Variants in PMPCB observed in about 807,000 individuals in gnomAD.
The protein encoded by PMPCB is mitochondrial-processing peptidase subunit beta.
A neutral mutation model predicts 61.5 loss-of-function variants in PMPCB; 46 were observed. The observed-to-expected ratio is 0.75, with a 90% confidence interval of 0.59 to 0.96. The LOEUF is 0.96. Among genes scored for constraint, PMPCB ranks in the 40% least tolerant of loss-of-function variants. The pLI is 0.00. For missense variants in PMPCB, 590 were observed against 602.4 expected (o/e 0.98, Z 0.22); for synonymous variants, 191 against 201.6 (o/e 0.95, Z 0.44).
At chr7:103,344,444 G>T in the PMPCB span, 1 of 1,183,990 alleles carries the variant, frequency 8.4e-7, no homozygotes, top group Non-Finnish European at 1.2e-6. Flanking sequence ...GGCCCCATAC[G>T]GCCCCGGGGC....
Position 103,300,327 on chromosome 7 carries a change from A to C in PMPCB, c.457+20A>C. On this transcript the variant is annotated intron_variant, in intron 4 of 12. Coordinates refer to ENST00000249269, the MANE Select transcript of PMPCB (RefSeq NM_004279.3). ...CAAGAGGTACTGTTATTATTTATAC[A>C]GCAGATAATGTAATTTTCATGAGAA... 6.4e-7 allele frequency: 1 copy of C among 1,555,342 alleles called. No homozygotes were observed. Among genetic ancestry groups the C allele is most frequent in the Non-Finnish European group, 8.7e-7 (1 of 1,147,072 alleles).
At chr7:103,317,319 C>T (rs1342386263), downstream of PMPCB, 1 of 292,632 alleles carries the variant, frequency 3.4e-6, no homozygotes, top group Non-Finnish European at 6.3e-6. Context: ...TATTCATCCA[C>T]AAGGCCATTT....
At position 103,311,672 on chromosome 7, in the gene PMPCB, G is replaced by T; in HGVS notation, c.1184G>T (p.Ser395Ile). Residue 395 changes from serine (S) to isoleucine (I), a missense_variant, in exon 10 of 13, where the codon AGT becomes ATT. By Grantham distance (142) the Ser-to-Ile change is moderately radical. Transcript: ENST00000249269. ...CGACTCTGTACAAGTGTCACAGAAAGTGAGGTTGCACGAGCCAGAAATCTT... is the reference window on the plus strand; with the variant it reads ...CGACTCTGTACAAGTGTCACAGAAATTGAGGTTGCACGAGCCAGAAATCTT... ...WMRLCTSVTE[S>I]EVARARNLLK... The T allele has an allele frequency of 6.2e-7, 1 of 1,614,054 alleles. No individual in the cohort carries two copies. Among genetic ancestry groups the T allele is most frequent in the Non-Finnish European group, 8.5e-7 (1 of 1,179,946 alleles).
chr7:103,317,056 A>G (rs766383881), downstream of PMPCB: 6 of 1,533,268 alleles, frequency 3.9e-6, no homozygotes, highest in Middle Eastern at 3.4e-4. Context: ...AGTATACTGT[A>G]TTGCTATTCT....
At chr7:103,322,776 C>A in intron 12 of PMPCB, 1 of 1,605,956 alleles carries the variant, frequency 6.2e-7, no homozygotes, top group Non-Finnish European at 8.5e-7. Context: ...GCTTTTCAAT[C>A]CATCTCCTCT....
Position 103,312,773 on chromosome 7 carries a change from A to G in PMPCB, c.*502A>G, listed in dbSNP as rs990729473. ...AAATATACTGATTTCATTATCTGCC[A>G]GGGCCTAGAAAGTTTCTAAGGTTGC... On this transcript the variant is annotated 3_prime_UTR_variant, in exon 13 of 13. Coordinates refer to ENST00000249269, the MANE Select transcript of PMPCB (RefSeq NM_004279.3). 18 of 1,512,978 alleles carry G rather than the reference A, an allele frequency of 1.2e-5. No homozygotes were observed. The Admixed American group carries it at 4.0e-4, about 34-fold the overall frequency. 93.7% of individuals were successfully genotyped at this position (1,512,978 alleles called of 1,614,324 possible).
rs781179348 is a variant in PMPCB at position 103,307,649 on chromosome 7, T to C, written c.790T>C (p.Leu264=). 15 of 1,613,810 alleles carry C rather than the reference T, an allele frequency of 9.3e-6. No individual in the cohort carries two copies. The highest frequency in any genetic ancestry group is 1.7e-4 in the Middle Eastern group (1 of 6,060). ...DLAKFHFGDS[L]CTHKGEIPAL... is the part of the protein sequence containing the mutation. ...AGCAAAGTTTCATTTCGGTGACTCTTTATGCACACACAAAGGAGAAATACC... is the reference window on the plus strand; with the variant it reads ...AGCAAAGTTTCATTTCGGTGACTCTCTATGCACACACAAAGGAGAAATACC... The change falls in exon 7 of 13, where the codon TTA becomes CTA. Residue 264 remains leucine (L), a synonymous_variant. Transcript: ENST00000249269.
In PMPCB at chr7:103,304,476, TTGC is replaced by T; in HGVS notation, c.731_733del (p.Ala244del). On this transcript the variant is annotated inframe_deletion, in exon 6 of 13. Coordinates refer to ENST00000249269, the MANE Select transcript of PMPCB (RefSeq NM_004279.3). ...CATTATAAGGGGCCAAGAATAGTGC[TTGC>T]TGCTGCTGGAGGTTAGTCAATTTAA... 2 of 1,603,114 alleles carry T rather than the reference TTGC, an allele frequency of 1.2e-6. No homozygotes were observed. Among genetic ancestry groups the T allele is most frequent in the Non-Finnish European group, 1.7e-6 (2 of 1,169,864 alleles).
In PMPCB at chr7:103,314,529, A is replaced by G. The variant is rs1817938422; in HGVS notation, c.*2258A>G. 1 of 985,106 alleles carries G rather than the reference A, an allele frequency of 1.0e-6. No homozygotes were observed. The highest frequency in any genetic ancestry group is 1.7e-5 in the African/African-American group (1 of 57,240). The allele number at this position is 985,106 out of a possible 1,614,324, so 61.0% of individuals were successfully genotyped here. A position where few individuals can be genotyped will look rare whatever the true frequency, so the allele number is the denominator to read the frequency against. ...CTCCAACATGGAAACAAGTCCCCCT[A>G]AGAAAGAGCTGAGACTAGTGTGCTA... On this transcript the variant is annotated 3_prime_UTR_variant, in exon 13 of 13. Coordinates refer to ENST00000249269, the MANE Select transcript of PMPCB (RefSeq NM_004279.3).
the PMPCB span, chr7:103,341,942 C>T: frequency 6.2e-7 from 1 of 1,602,558 alleles, no homozygotes; most frequent in South Asian, 1.1e-5. Context: ...TTCAACTTGA[C>T]AGAGTGTAGA....
At chr7:103,308,664 G>T (rs941234199) in intron 7 of PMPCB, among the ~76,000 whole-genome samples, 7 of 151,816 alleles carry the variant, frequency 4.6e-5, no homozygotes, top group Admixed American at 2.0e-4. Context: ...CAAACACAAA[G>T]GATTGATTTC....
chr7:103,345,815 C>G, the PMPCB span, among the ~76,000 whole-genome samples: 1 of 151,706 alleles, frequency 6.6e-6, no homozygotes, highest in African/African-American at 2.4e-5. Flanking sequence ...CACTTCAAAA[C>G]TGACTTTTCA....
Position 103,300,168 on chromosome 7 carries a change from T to C in PMPCB, c.328-10T>C. The C allele has an allele frequency of 1.2e-6, 2 of 1,603,966 alleles. No homozygotes were observed. Among genetic ancestry groups the C allele is most frequent in the Non-Finnish European group, 8.5e-7 (1 of 1,177,184 alleles). ...GTTTGCATAATTTGTTTTTCCTCTTTTATTTCAAGGGCACCAAGAAGAGAT... is the reference window on the plus strand; with the variant it reads ...GTTTGCATAATTTGTTTTTCCTCTTCTATTTCAAGGGCACCAAGAAGAGAT... On this transcript the variant is annotated splice_polypyrimidine_tract_variant and intron_variant, in intron 3 of 12. Transcript: ENST00000249269.
At chr7:103,310,206 T>C in intron 8 of PMPCB, 109 bp from the exon 9 acceptor site, 10 of 781,164 alleles carry the variant, frequency 1.3e-5, no homozygotes, top group Non-Finnish European at 1.9e-5. Flanking sequence ...TGAATAAAAC[T>C]AGGAAACAGC....
intron 1 of PMPCB, 61 bp from the exon 2 acceptor site, chr7:103,298,507 A>G: frequency 6.7e-7 from 1 of 1,502,338 alleles, no homozygotes; most frequent in South Asian, 1.2e-5. Flanking sequence ...TAAAAGCAAC[A>G]TTTAATATCA....
intron 12 of PMPCB, chr7:103,320,830 C>CT (rs745754898): frequency 0.049 from 5,599 of 113,750 alleles, 287 homozygotes; most frequent in East Asian, 0.15. Flanking sequence ...CTCAGCATGT[C>CT]TTTTTTTTTT....
the PMPCB span, chr7:103,341,651 A>G: frequency 4.6e-6 from 4 of 864,868 alleles, no homozygotes; most frequent in Admixed American, 1.2e-4. Context: ...ATGCTAAATC[A>G]TAGTTATCTT....
At chr7:103,340,877 C>T in the PMPCB span, among the ~76,000 whole-genome samples, 1 of 152,130 alleles carries the variant, frequency 6.6e-6, no homozygotes, top group South Asian at 2.1e-4. Flanking sequence ...CACTATGGTA[C>T]CAAAACCTCA....
At chr7:103,302,747 T>G (rs1817482610) in intron 4 of PMPCB, among the ~76,000 whole-genome samples, 1 of 152,142 alleles carries the variant, frequency 6.6e-6, no homozygotes, top group Admixed American at 6.5e-5. Context: ...GAGTAAAAAA[T>G]GAAACCTAAA....
Sources: allele counts gnomAD v4.1 joint callset (sites outside exome capture counted in the v4.1 genomes callset), GRCh38; gene constraint gnomAD v4.1.1; transcripts MANE v1.5; gene names NCBI Gene and HGNC (gene_info 2026-07-23, HGNC 2026-07-21).